Variants in DYNLT5 observed in about 807,000 individuals in gnomAD.
DYNLT5 encodes the protein dynein light chain Tctex-type family member 5, also known as dynein light chain Tctex-type 5.
Under a neutral mutation model 19.3 loss-of-function variants are expected in DYNLT5, and 25 were observed. The observed-to-expected ratio is 1.30, with a 90% CI of 0.95 to 1.81. The LOEUF is 1.81. Ranked by LOEUF, DYNLT5 falls within the 40% of genes most tolerant of loss-of-function variation. The pLI is 0.00. For missense variants in DYNLT5, 232 were observed against 217.9 expected (o/e 1.06, Z -0.41); for synonymous variants, 82 against 68.9 (o/e 1.19, Z -0.94).
intron 2 of DYNLT5, among the ~76,000 whole-genome samples, chr1:66,767,277 C>G (rs1645165822): frequency 1.3e-5 from 2 of 151,924 alleles, no homozygotes; most frequent in Admixed American, 1.3e-4. Context: ...TTTTTTGAGA[C>G]AGAGTCTTGC....
chr1:66,764,852 C>T (rs2094651902), intron 2 of DYNLT5, among the ~76,000 whole-genome samples: 1 of 152,174 alleles, frequency 6.6e-6, no homozygotes, highest in Non-Finnish European at 1.5e-5. Flanking sequence ...AACTAACTTA[C>T]CTTACCAGAC....
At chr1:66,767,537 C>T (rs773690048) in intron 2 of DYNLT5, among the ~76,000 whole-genome samples, 1 of 152,272 alleles carries the variant, frequency 6.6e-6, no homozygotes, top group South Asian at 2.1e-4. Context: ...GGATTACAGG[C>T]GTGAGCCACC....
At chr1:66,769,708 C>G (rs1057021216) in intron 2 of DYNLT5, among the ~76,000 whole-genome samples, 1 of 152,130 alleles carries the variant, frequency 6.6e-6, no homozygotes, top group Non-Finnish European at 1.5e-5. Flanking sequence ...GCTGGAGAGA[C>G]AGTGGGGCCT....
chr1:66,765,670 C>G (rs1478737363), intron 2 of DYNLT5, among the ~76,000 whole-genome samples: 1 of 142,874 alleles, frequency 7.0e-6, no homozygotes, highest in East Asian at 2.0e-4. Flanking sequence ...GAGTCTTGCT[C>G]TGTTGCCCAG....
intron 4 of DYNLT5, 22 bp from the exon 5 acceptor site, chr1:66,777,229 C>T (rs781037210): frequency 2.7e-5 from 43 of 1,594,708 alleles, no homozygotes; most frequent in East Asian, 4.5e-5. Flanking sequence ...AATGAAGACC[C>T]TCCCTTTTTT....
chr1:66,764,792 T>C (rs2094651813), intron 2 of DYNLT5, among the ~76,000 whole-genome samples: 1 of 152,190 alleles, frequency 6.6e-6, no homozygotes, highest in Admixed American at 6.5e-5. Flanking sequence ...AAATGAGATA[T>C]GCCTGTACAT....
intron 4 of DYNLT5, among the ~76,000 whole-genome samples, chr1:66,776,978 G>A (rs1052828351): frequency 1.3e-5 from 2 of 152,138 alleles, no homozygotes; most frequent in African/African-American, 4.8e-5. Flanking sequence ...TTCAAAGAAT[G>A]TAATTTATTA....
At chr1:66,763,834 G>C (rs1245401371) in intron 2 of DYNLT5, among the ~76,000 whole-genome samples, 2 of 152,152 alleles carry the variant, frequency 1.3e-5, no homozygotes, top group African/African-American at 4.8e-5. Flanking sequence ...TCAGCAATAA[G>C]GTTGTTTTGC....
chr1:66,771,330 C>CT (rs1645203253), intron 3 of DYNLT5, among the ~76,000 whole-genome samples: 1 of 152,196 alleles, frequency 6.6e-6, no homozygotes, highest in African/African-American at 2.4e-5. Flanking sequence ...ATCCAATATA[C>CT]TTTTATACTT....
chr1:66,774,605 T>C (rs757355559), intron 3 of DYNLT5, among the ~76,000 whole-genome samples: 54 of 151,106 alleles, frequency 3.6e-4, no homozygotes, highest in Admixed American at 1.2e-3. Context: ...GAGTGAGAAG[T>C]GTGAGGTGGA....
chr1:66,761,907 T>C lies in DYNLT5; in HGVS notation c.119+7130T>C, dbSNP rs151133414. On this transcript the variant is annotated intron_variant, in intron 2 of 4. Transcript: ENST00000282670. ...ACTGTTTGATAGCATTTTACCATGG[T>C]AGAACTTCTTTCAAAATTAGTCCAT... Among the ~76,000 whole-genome samples the C allele has an allele frequency of 3.4e-3, 512 of 152,360 alleles. 4 individuals are homozygous for C. Among genetic ancestry groups the C allele is most frequent in the African/African-American group, 0.012 (490 of 41,584 alleles).
chr1:66,758,053 G>A (rs1307146402), intron 2 of DYNLT5, among the ~76,000 whole-genome samples: 5 of 152,104 alleles, frequency 3.3e-5, no homozygotes, highest in South Asian at 2.1e-4. Flanking sequence ...TCCCCCATTC[G>A]ACAAATGAAG....
intron 2 of DYNLT5, among the ~76,000 whole-genome samples, chr1:66,762,032 T>G (rs1297123009): frequency 1.3e-5 from 2 of 151,880 alleles, no homozygotes; most frequent in South Asian, 4.1e-4. Flanking sequence ...TCACCAGAAG[T>G]AGATTCCATC....
intron 2 of DYNLT5, among the ~76,000 whole-genome samples, chr1:66,764,972 G>C (rs1227412036): frequency 2.0e-5 from 3 of 152,294 alleles, no homozygotes; most frequent in Admixed American, 1.3e-4. Flanking sequence ...AAGTAAAGGA[G>C]TTTCTATGCA....
chr1:66,767,179 T>C (rs966625201), intron 2 of DYNLT5, among the ~76,000 whole-genome samples: 21 of 151,892 alleles, frequency 1.4e-4, no homozygotes, highest in Non-Finnish European at 2.1e-4. Context: ...TCCAGCAAAA[T>C]ATAGAAAATT....
At chr1:66,753,614 T>C (rs1476647709) in intron 1 of DYNLT5, among the ~76,000 whole-genome samples, 1 of 152,226 alleles carries the variant, frequency 6.6e-6, no homozygotes, top group African/African-American at 2.4e-5. Flanking sequence ...TTTTTATTTA[T>C]TTATTTATTT....
At chr1:66,755,211 A>G (rs2094634024) in intron 2 of DYNLT5, among the ~76,000 whole-genome samples, 1 of 152,098 alleles carries the variant, frequency 6.6e-6, no homozygotes, top group South Asian at 2.1e-4. Context: ...ACTGCATAAT[A>G]TTTTGTCAAT....
rs148126937 is a variant in DYNLT5, at chr1:66,768,408, A to G, written c.120-1979A>G. Among the ~76,000 whole-genome samples, 991 of 152,316 alleles carry G rather than the reference A, an allele frequency of 6.5e-3. 5 individuals are homozygous for G. Among genetic ancestry groups the G allele is most frequent in the Admixed American group, 0.025 (385 of 15,304 alleles). On this transcript the variant is annotated intron_variant, in intron 2 of 4. Coordinates refer to ENST00000282670, the MANE Select transcript of DYNLT5 (RefSeq NM_152665.3). ...TGTAAAATGAGCATACACTGTTTAT[A>G]TGATTCCTATGGAAATAAAAGGGCA... is the stretch of plus-strand genomic sequence containing the variant.
At chr1:66,769,015 A>T (rs922793994) in intron 2 of DYNLT5, among the ~76,000 whole-genome samples, 1 of 152,194 alleles carries the variant, frequency 6.6e-6, no homozygotes, top group African/African-American at 2.4e-5. Context: ...TTACAAAGTT[A>T]AAAGTAGCAT....
Sources: gnomAD v4.1 joint callset for allele counts (sites outside exome capture counted in the v4.1 genomes callset) on GRCh38, gnomAD v4.1.1 for gene constraint, MANE v1.5 for transcripts, NCBI Gene and HGNC (gene_info 2026-07-23, HGNC 2026-07-21) for gene names.